Variants in IGLL5 observed in about 807,000 individuals in gnomAD.
IGLL5 encodes immunoglobulin lambda like polypeptide 5, also known as immunoglobulin lambda-like polypeptide 5.
In IGLL5, 30 loss-of-function variants were observed where a neutral mutation model predicts 20.9. The ratio of observed to expected loss-of-function variants is 1.44; its 90% CI spans 1.07 to 1.95. IGLL5 has a LOEUF of 1.95. Ranked by LOEUF, IGLL5 falls within the 30% of genes most tolerant of loss-of-function variation. IGLL5 has a pLI of 0.00. For missense variants in IGLL5, 475 were observed against 270.7 expected (o/e 1.75, Z -5.30); for synonymous variants, 203 against 117.3 (o/e 1.73, Z -4.72).
chr22:22,894,706 G>C (rs1170782899), intron 2 of IGLL5, among the ~76,000 whole-genome samples: 1 of 151,264 alleles, frequency 6.6e-6, no homozygotes, highest in South Asian at 2.1e-4. Context: ...CTCATAGTCT[G>C]TGGGAGCAGC....
chr22:22,889,774 T>G (rs562853222), intron 1 of IGLL5, among the ~76,000 whole-genome samples: 1 of 151,304 alleles, frequency 6.6e-6, no homozygotes, highest in African/African-American at 2.4e-5. Context: ...GGATTATTAT[T>G]AGTTTAGAGA....
chr22:22,893,760 G>C lies in IGLL5; in HGVS notation c.267G>C (p.Trp89Cys). Reference sequence around the variant, plus strand: ...CCAGGTGCTGGCCCCGGGGGTTTTGGTCTGAGCCTCAGTCACTGTGTTATG... The same window carrying C: ...CCAGGTGCTGGCCCCGGGGGTTTTGCTCTGAGCCTCAGTCACTGTGTTATG... The part of the protein sequence containing the change: ...ADPRCWPRGF[W>C]SEPQSLCYVF... Residue 89 changes from tryptophan (W) to cysteine (C), a missense_variant, in exon 2 of 3, where the codon TGG becomes TGC. Physicochemically the swap from Trp to Cys is radical, Grantham distance 215 (BLOSUM62 -2). Coordinates refer to ENST00000526893, the MANE Select transcript of IGLL5 (RefSeq NM_001178126.2). 6.2e-7 allele frequency: 1 copy of C among 1,606,900 alleles called. No homozygotes were observed. Among genetic ancestry groups the C allele is most frequent in the East Asian group, 2.3e-5 (1 of 44,304 alleles).
intron 1 of IGLL5, among the ~76,000 whole-genome samples, chr22:22,889,259 G>A (rs1276586805): frequency 1.3e-5 from 2 of 151,080 alleles, no homozygotes; most frequent in African/African-American, 4.9e-5. Flanking sequence ...GCACCCAGGG[G>A]CCCAGTTTCC....
intron 2 of IGLL5, among the ~76,000 whole-genome samples, chr22:22,894,867 C>T (rs2066703790): frequency 1.3e-5 from 2 of 151,366 alleles, no homozygotes; most frequent in Admixed American, 6.6e-5. Flanking sequence ...GAGCCCGGTG[C>T]CTGTGAGGGA....
intron 1 of IGLL5, among the ~76,000 whole-genome samples, chr22:22,888,852 A>C (rs529831866): frequency 1.3e-5 from 2 of 151,348 alleles, no homozygotes; most frequent in African/African-American, 2.4e-5. Flanking sequence ...GTTTGGAGCA[A>C]TAAAGGGAGA....
chr22:22,896,090 A>C lies in IGLL5; in HGVS notation c.*396A>C. 2.9e-6 allele frequency: 1 copy of C among 347,302 alleles called. No individual in the cohort carries two copies. The allele number at this position is 347,302 out of a possible 1,614,324, so 21.5% of individuals were successfully genotyped here. ...CCTCCTAAATTTTACTTCTCAATAA[A>C]TACCTGATCATGTAAAACGCAGCAT... On this transcript the variant is annotated 3_prime_UTR_variant, in exon 3 of 3. Coordinates refer to ENST00000526893, the MANE Select transcript of IGLL5 (RefSeq NM_001178126.2).
Position 22,895,636 on chromosome 22 carries a change from A to G in IGLL5, c.587A>G (p.Gln196Arg), listed in dbSNP as rs200920901. The change falls in exon 3 of 3, where the codon CAG becomes CGG. Residue 196 changes from glutamine to arginine, a missense_variant. Physicochemically the swap from Gln to Arg is conservative, Grantham distance 43. Transcript: ENST00000526893. ...AAGTCCCACAGAAGCTACAGCTGCCAGGTCACGCATGAAGGGAGCACCGTG... is the reference window on the plus strand; with the variant it reads ...AAGTCCCACAGAAGCTACAGCTGCCGGGTCACGCATGAAGGGAGCACCGTG... ...QWKSHRSYSC[Q>R]VTHEGSTVEK... The G allele has an allele frequency of 2.1e-4, 337 of 1,612,240 alleles. 3 individuals are homozygous for G. The highest frequency in any genetic ancestry group is 8.5e-4 in the African/African-American group (64 of 74,886).
chr22:22,888,141 G>C lies in IGLL5; in HGVS notation c.88G>C (p.Gly30Arg), dbSNP rs779042230. 1.9e-6 allele frequency: 3 copies of C among 1,549,732 alleles called. No individual in the cohort carries two copies. Among genetic ancestry groups the C allele is most frequent in the East Asian group, 2.5e-5 (1 of 40,704 alleles). ...PRQRWPLLLL[G>R]LAMVAHGLLR... The stretch of plus-strand genomic sequence containing the variant: ...GCAGCGCTGGCCCCTGCTGCTGCTG[G>C]GTCTGGCCATGGTCGCCCATGGCCT... The change falls in exon 1 of 3, where the codon GGT becomes CGT. Residue 30 changes from glycine (G) to arginine (R), a missense_variant. Gly to Arg is a moderately radical substitution (Grantham distance 125, BLOSUM62 -2). Transcript: ENST00000526893.
Position 22,893,714 on chromosome 22 carries a change from C to A in IGLL5, c.221C>A (p.Pro74His), listed in dbSNP as rs780905067. The change falls in exon 2 of 3, where the codon CCC (proline) becomes CAC (histidine). Residue 74 changes from proline (P) to histidine (H), a missense_variant. By Grantham distance (77) the Pro-to-His change is moderately conservative. Transcript: ENST00000526893. ...ATGCCCAGCAGGCTCCTGCTCCAGC[C>A]CAGCCCCCAGAGAGCAGACCCCAGG... ...RSLWGRLLLQPSPQRADPRCW... is the reference protein window; with the variant it reads ...RSLWGRLLLQHSPQRADPRCW... 6.2e-7 allele frequency: 1 copy of A among 1,607,278 alleles called. No homozygotes were observed. Among genetic ancestry groups the A allele is most frequent in the Non-Finnish European group, 8.5e-7 (1 of 1,176,782 alleles).
chr22:22,891,461 G>A lies in IGLL5; in HGVS notation c.207-2239G>A, dbSNP rs5759506. On this transcript the variant is annotated intron_variant, in intron 1 of 2. Transcript: ENST00000526893. ...AGCTTTATGGTATGTTCGGTAACTG[G>A]TAGGGAAAGAACCCGTCATTGTTAC... Among the ~76,000 whole-genome samples the A allele has an allele frequency of 5.2e-4, 78 of 151,268 alleles. 2 individuals carry two copies. The East Asian group carries it at 0.015, about 29-fold the overall frequency.
At chr22:22,888,287 T>C (rs570730674) in intron 1 of IGLL5, 28 bp downstream of exon 1, 10 of 1,541,192 alleles carry the variant, frequency 6.5e-6, no homozygotes, top group South Asian at 6.0e-5. Context: ...CCAGGGGATG[T>C]GGGGGTCCTG....
At chr22:22,888,895 G>T (rs565211556) in intron 1 of IGLL5, among the ~76,000 whole-genome samples, 1 of 151,422 alleles carries the variant, frequency 6.6e-6, no homozygotes, top group East Asian at 2.0e-4. Flanking sequence ...GCCCAGGCTG[G>T]TCTCACAGAT....
At position 22,893,749 on chromosome 22, in the gene IGLL5, C is replaced by A; in HGVS notation, c.256C>A (p.Arg86=). 3 of 1,606,376 alleles carry A rather than the reference C, an allele frequency of 1.9e-6. No homozygotes were observed. The highest frequency in any genetic ancestry group is 1.7e-5 in the Admixed American group (1 of 58,858). ...PQRADPRCWP[R]GFWSEPQSLC... ...GAGAGCAGACCCCAGGTGCTGGCCC[C>A]GGGGGTTTTGGTCTGAGCCTCAGTC... is the stretch of plus-strand genomic sequence containing the variant. Residue 86 remains arginine, a synonymous_variant, in exon 2 of 3, where the codon CGG becomes AGG. Transcript: ENST00000526893.
chr22:22,889,350 A>G lies in IGLL5; in HGVS notation c.206+1091A>G, dbSNP rs1423197939. On this transcript the variant is annotated intron_variant, in intron 1 of 2. Transcript: ENST00000526893. The stretch of plus-strand genomic sequence containing the variant: ...CTCGGGGACTGTCTATGGGCATTAA[A>G]AATGTATAACCATTTTAGCAACAGG... Among the ~76,000 whole-genome samples, 4 of 151,176 alleles carry G rather than the reference A, an allele frequency of 2.6e-5. 1 individual carries two copies. Among genetic ancestry groups the G allele is most frequent in the East Asian group, 4.1e-4 (2 of 4,898 alleles).
intron 2 of IGLL5, among the ~76,000 whole-genome samples, chr22:22,894,917 A>C (rs2066707976): frequency 1.3e-5 from 2 of 151,236 alleles, no homozygotes; most frequent in South Asian, 2.1e-4. Context: ...GTCTCCCCAC[A>C]CACTGCCTGC....
chr22:22,892,364 A>T (rs1238718346), intron 1 of IGLL5, among the ~76,000 whole-genome samples: 1 of 151,188 alleles, frequency 6.6e-6, no homozygotes, highest in Non-Finnish European at 1.5e-5. Context: ...ATGTGAATAA[A>T]TTGCCTTGGG....
intron 1 of IGLL5, among the ~76,000 whole-genome samples, chr22:22,890,476 T>C (rs2067801976): frequency 1.4e-5 from 2 of 148,114 alleles, no homozygotes; most frequent in African/African-American, 4.9e-5. Flanking sequence ...AAACTTTGTT[T>C]TATAAGCAAA....
chr22:22,894,060 G>A (rs12165699), intron 2 of IGLL5, among the ~76,000 whole-genome samples: 1 of 151,492 alleles, frequency 6.6e-6, no homozygotes, highest in African/African-American at 2.4e-5. Flanking sequence ...GGCAGGGTCA[G>A]GGCTCCTCCT....
intron 1 of IGLL5, among the ~76,000 whole-genome samples, chr22:22,888,707 T>C (rs771784051): frequency 2.6e-5 from 4 of 151,176 alleles, no homozygotes; most frequent in South Asian, 2.1e-4. Context: ...AGCAAGGGCT[T>C]GGTTTGGTCT....
Sources: gnomAD v4.1 joint callset for allele counts (sites outside exome capture counted in the v4.1 genomes callset) on GRCh38, gnomAD v4.1.1 for gene constraint, MANE v1.5 for transcripts, NCBI Gene and HGNC (gene_info 2026-07-23, HGNC 2026-07-21) for gene names.